Variants in UST observed in about 807,000 individuals in gnomAD.
The protein encoded by UST is uronyl 2-sulfotransferase, also known as chondroitin sulfate 2-O-sulfotransferase.
In UST, 21 loss-of-function variants were observed where a neutral mutation model predicts 45.6. That is an observed-to-expected ratio of 0.46 (90% confidence interval 0.33 to 0.66). UST has a LOEUF of 0.66. Ranked by LOEUF, UST falls within the 30% of genes least tolerant of loss-of-function variation. The pLI, the probability that UST is intolerant of heterozygous loss-of-function variation, is 0.02. For synonymous variants in UST, 215 were observed against 200.6 expected (o/e 1.07, Z -0.61); for missense variants, 463 against 512.4 (o/e 0.90, Z 0.93).
At chr6:149,067,202 GT>G (rs979960934) in intron 7 of UST, among the ~76,000 whole-genome samples, 4 of 152,286 alleles carry the variant, frequency 2.6e-5, no homozygotes, top group Admixed American at 2.0e-4. Flanking sequence ...TGAGTGTGGT[GT>G]TTAATCTTCA....
rs35513894 is a variant in UST, at chr6:148,974,319, T to TAA, written c.681+9766_681+9767dup. ...AAAGTTCAAACTTGCCTTATAATAT[T>TAA]AAAAAAAAAAATACCCGAACAAGTT... On this transcript the variant is annotated intron_variant, in intron 5 of 7. Transcript: ENST00000367463. Among the ~76,000 whole-genome samples, 111 of 149,202 alleles carry TAA rather than the reference T, an allele frequency of 7.4e-4. 1 individual carries two copies. Among genetic ancestry groups the TAA allele is most frequent in the South Asian group, 1.9e-3 (9 of 4,698 alleles).
At position 148,751,942 on chromosome 6, in the gene UST, G is replaced by T. The variant is rs79730065; in HGVS notation, c.247+4265G>T. On this transcript the variant is annotated intron_variant, in intron 1 of 7. Coordinates refer to ENST00000367463, the MANE Select transcript of UST (RefSeq NM_005715.3). ...AGCCAGATGGCTTACTACTGATCTT[G>T]TACAACCGACAAACTCTAATGATCT... 2.5e-3 allele frequency among the ~76,000 whole-genome samples: 381 copies of T among 152,330 alleles called. 2 individuals carry two copies. The highest frequency in any genetic ancestry group is 8.8e-3 in the African/African-American group (367 of 41,580).
intron 1 of UST, among the ~76,000 whole-genome samples, chr6:148,865,544 A>G (rs1778409497): frequency 6.6e-6 from 1 of 152,188 alleles, no homozygotes. Flanking sequence ...AGAGAGAGAG[A>G]GAGAGAAAAC....
At chr6:148,754,179 G>A (rs1156746191) in intron 1 of UST, among the ~76,000 whole-genome samples, 1 of 151,900 alleles carries the variant, frequency 6.6e-6, no homozygotes, top group Non-Finnish European at 1.5e-5. Context: ...GTATTTTTTA[G>A]TAGAGATGGG....
chr6:148,798,594 T>C (rs530540547), intron 1 of UST, among the ~76,000 whole-genome samples: 1 of 152,120 alleles, frequency 6.6e-6, no homozygotes, highest in East Asian at 1.9e-4. Context: ...GATGGATCCT[T>C]GGGGACCACT....
chr6:148,950,559 C>T (rs916047099), intron 3 of UST, among the ~76,000 whole-genome samples: 2 of 152,210 alleles, frequency 1.3e-5, no homozygotes, highest in Admixed American at 6.5e-5. Flanking sequence ...GATCCCATCT[C>T]GGATCACTGA....
At position 148,786,458 on chromosome 6, in the gene UST, A is replaced by G. The variant is rs116799856; in HGVS notation, c.247+38781A>G. Among the ~76,000 whole-genome samples, 372 of 152,236 alleles carry G rather than the reference A, an allele frequency of 2.4e-3. 2 individuals carry two copies. Among genetic ancestry groups the G allele is most frequent in the African/African-American group, 8.6e-3 (357 of 41,548 alleles). The stretch of plus-strand genomic sequence containing the variant: ...ATATATCGATGTGTTCTCATCATTT[A>G]GCTCTCACTTATAAGAGAGAACATG... On this transcript the variant is annotated intron_variant, in intron 1 of 7. Transcript: ENST00000367463.
At chr6:148,914,395 T>C (rs6899804) in intron 2 of UST, among the ~76,000 whole-genome samples, 45,475 of 94,124 alleles carry the variant, frequency 0.48, 7,463 homozygotes, top group Non-Finnish European at 0.5. Context: ...TTCCATAGAT[T>C]GGGGGGTGGG....
rs1448121779 is a variant in UST, at chr6:148,810,081, G to A, written c.247+62404G>A. On this transcript the variant is annotated intron_variant, in intron 1 of 7. Coordinates refer to ENST00000367463, the MANE Select transcript of UST (RefSeq NM_005715.3). Reference sequence around the variant, plus strand: ...TTGCCAAAGTCAATTTTAGGATGCAGTTGGGTTAAATTAGTAGCTAGAAGA... The same window carrying A: ...TTGCCAAAGTCAATTTTAGGATGCAATTGGGTTAAATTAGTAGCTAGAAGA... 5.9e-5 allele frequency among the ~76,000 whole-genome samples: 9 copies of A among 152,204 alleles called. No homozygotes were observed. In the East Asian group the frequency reaches 9.6e-4, roughly 16 times the overall value.
chr6:148,987,853 A>G (rs1035095897), intron 5 of UST, among the ~76,000 whole-genome samples: 2 of 152,120 alleles, frequency 1.3e-5, no homozygotes, highest in Non-Finnish European at 2.9e-5. Flanking sequence ...GCTTTCATTC[A>G]TCAGACGTGT....
intron 1 of UST, among the ~76,000 whole-genome samples, chr6:148,800,774 ATTTTTTTT>A (rs35096958): frequency 0.013 from 1,529 of 116,966 alleles, 22 homozygotes; most frequent in African/African-American, 0.044. Flanking sequence ...TTCAGATCAG[ATTTTTTTT>A]TTTTTTTTTT....
chr6:148,813,211 G>T (rs1382922781), intron 1 of UST, among the ~76,000 whole-genome samples: 1 of 152,070 alleles, frequency 6.6e-6, no homozygotes, highest in Non-Finnish European at 1.5e-5. Flanking sequence ...TCCAGTAAGT[G>T]CCCTCAGTTG....
At chr6:148,972,386 GAAAGTGTGTA>G (rs1466445224) in intron 5 of UST, among the ~76,000 whole-genome samples, 1 of 152,222 alleles carries the variant, frequency 6.6e-6, no homozygotes, top group East Asian at 1.9e-4. Context: ...TGACACTTTA[GAAAGTGTGTA>G]AAAGCCTGAG....
At position 149,068,593 on chromosome 6, in the gene UST, G is replaced by C. The variant is rs138684481; in HGVS notation, c.938-5240G>C. Reference sequence around the variant, plus strand: ...TGGTTCTTTTCACTTGTACTTGAAGGACACAATATCACATTTTATTGATGT... The same window carrying C: ...TGGTTCTTTTCACTTGTACTTGAAGCACACAATATCACATTTTATTGATGT... On this transcript the variant is annotated intron_variant, in intron 7 of 7. Transcript: ENST00000367463. Among the ~76,000 whole-genome samples the C allele has an allele frequency of 3.5e-4, 54 of 152,228 alleles. 1 individual carries two copies. In the East Asian group the frequency reaches 0.01, roughly 28 times the overall value.
intron 1 of UST, among the ~76,000 whole-genome samples, chr6:148,839,464 A>G (rs1357066803): frequency 6.6e-6 from 1 of 152,226 alleles, no homozygotes; most frequent in African/African-American, 2.4e-5. Flanking sequence ...GCCTGATTCT[A>G]GAATCAAAAA....
At chr6:149,034,763 C>T (rs1474413082) in intron 7 of UST, among the ~76,000 whole-genome samples, 1 of 150,006 alleles carries the variant, frequency 6.7e-6, no homozygotes. Flanking sequence ...TTTTTTGAGT[C>T]ATTGAAGGTC....
rs548075577 is a variant in UST, at chr6:149,049,816, T to G, written c.938-24017T>G. ...TTGTCCCTTTACCAGCCCCTCTCTC[T>G]AAGATATCTAACCTCTTTTTGGCAA... On this transcript the variant is annotated intron_variant, in intron 7 of 7. Coordinates refer to ENST00000367463, the MANE Select transcript of UST (RefSeq NM_005715.3). Among the ~76,000 whole-genome samples the G allele has an allele frequency of 2.0e-5, 3 of 152,238 alleles. No homozygotes were observed. In the East Asian group the frequency reaches 5.8e-4, roughly 29 times the overall value.
intron 1 of UST, among the ~76,000 whole-genome samples, chr6:148,774,615 G>A (rs1355666911): frequency 6.6e-6 from 1 of 152,184 alleles, no homozygotes; most frequent in African/African-American, 2.4e-5. Context: ...AGTATAATCT[G>A]TTAGAACAAA....
At chr6:148,937,188 T>C (rs1780041560) in intron 2 of UST, among the ~76,000 whole-genome samples, 1 of 152,230 alleles carries the variant, frequency 6.6e-6, no homozygotes, top group Non-Finnish European at 1.5e-5. Context: ...GGTAGTGCAT[T>C]AGGTGTCTTT....
Sources: allele counts gnomAD v4.1 joint callset (sites outside exome capture counted in the v4.1 genomes callset), GRCh38; gene constraint gnomAD v4.1.1; transcripts MANE v1.5; gene names NCBI Gene and HGNC (gene_info 2026-07-23, HGNC 2026-07-21).